The following MACROD2 variants were observed in gnomAD, a reference collection of about 807,000 sequenced individuals.
MACROD2 encodes mono-ADP ribosylhydrolase 2.
A neutral mutation model predicts 70.4 loss-of-function variants in MACROD2; 36 were observed. That is an observed-to-expected ratio of 0.51 (90% CI 0.39 to 0.68). The LOEUF (loss-of-function observed/expected upper bound fraction) is 0.68. Among genes scored for constraint, MACROD2 ranks in the 30% least tolerant of loss-of-function variants. The pLI, the probability that MACROD2 is intolerant of heterozygous loss-of-function variation, is 0.00. For synonymous variants in MACROD2, 172 were observed against 178.8 expected (o/e 0.96, Z 0.30); for missense variants, 496 against 538.4 (o/e 0.92, Z 0.78).
At chr20:16,046,674 A>AATTT (rs1491359046) in intron 17 of MACROD2, among the ~76,000 whole-genome samples, 1 of 124,680 alleles carries the variant, frequency 8.0e-6, no homozygotes, top group Admixed American at 8.2e-5. Context: ...AGGTGTCAAA[A>AATTT]CTTTTTTTTT....
chr20:14,675,038 T>A (rs2070842571), intron 4 of MACROD2, among the ~76,000 whole-genome samples: 1 of 152,116 alleles, frequency 6.6e-6, no homozygotes, highest in Admixed American at 6.6e-5. Flanking sequence ...AAATCATCTT[T>A]GTAAGACAAG....
intron 11 of MACROD2, among the ~76,000 whole-genome samples, chr20:15,933,819 T>C (rs6110836): frequency 0.1 from 15,415 of 152,188 alleles, 1,201 homozygotes; most frequent in East Asian, 0.29. Flanking sequence ...GGAGATGGTG[T>C]GATGGGCCTG....
At chr20:14,693,304 G>A (rs151179081) in intron 5 of MACROD2, among the ~76,000 whole-genome samples, 1 of 152,274 alleles carries the variant, frequency 6.6e-6, no homozygotes, top group African/African-American at 2.4e-5. Flanking sequence ...ATTTGGAGGT[G>A]TTCTCATAAA....
At chr20:14,805,774 T>C (rs1600681303) in intron 5 of MACROD2, among the ~76,000 whole-genome samples, 2 of 152,078 alleles carry the variant, frequency 1.3e-5, no homozygotes, top group East Asian at 3.9e-4. Flanking sequence ...TTTTTTTTCC[T>C]CTCCTGGCTT....
intron 4 of MACROD2, among the ~76,000 whole-genome samples, chr20:14,505,056 C>G (rs1304084670): frequency 6.6e-6 from 1 of 152,156 alleles, no homozygotes; most frequent in Non-Finnish European, 1.5e-5. Context: ...ATAGAAACCA[C>G]TAATTACAAA....
At chr20:14,350,990 A>C (rs1236346251) in intron 3 of MACROD2, among the ~76,000 whole-genome samples, 1 of 152,134 alleles carries the variant, frequency 6.6e-6, no homozygotes, top group African/African-American at 2.4e-5. Flanking sequence ...TCCCAGGACA[A>C]ATTATTGAAG....
At chr20:14,021,975 A>T (rs2258091) in intron 2 of MACROD2, among the ~76,000 whole-genome samples, 2 of 152,204 alleles carry the variant, frequency 1.3e-5, no homozygotes, top group Admixed American at 6.5e-5. Context: ...TGGAAGTACA[A>T]TGGTACACCT....
At chr20:15,858,744 G>T (rs1373127727) in intron 8 of MACROD2, among the ~76,000 whole-genome samples, 4 of 152,278 alleles carry the variant, frequency 2.6e-5, no homozygotes, top group African/African-American at 9.6e-5. Flanking sequence ...TTGTCTCTCT[G>T]CTTCCTCATG....
rs143464266 is a variant in MACROD2 at position 14,928,229 on chromosome 20, A to G, written c.418+243270A>G. 9.6e-5 allele frequency among the ~76,000 whole-genome samples: 11 copies of G among 114,638 alleles called. 1 individual carries two copies. The East Asian group carries it at 1.3e-3, about 13-fold the overall frequency. 75.2% of individuals were successfully genotyped at this position (114,638 alleles called of 152,430 possible). On this transcript the variant is annotated intron_variant, in intron 5 of 17. Transcript: ENST00000684519. ...CCAGAGGCAGCTTGGCTGCATGCCA[A>G]TGTCAGTGTAGAATTATTCTATCCT...
intron 8 of MACROD2, among the ~76,000 whole-genome samples, chr20:15,662,044 C>T (rs1338953876): frequency 6.6e-6 from 1 of 152,110 alleles, no homozygotes; most frequent in East Asian, 1.9e-4. Flanking sequence ...GGCTAACTTC[C>T]CACTCTTTAC....
intron 4 of MACROD2, among the ~76,000 whole-genome samples, chr20:14,512,095 A>C (rs559916512): frequency 6.6e-6 from 1 of 152,254 alleles, no homozygotes; most frequent in South Asian, 2.1e-4. Context: ...ATGAATTCAA[A>C]GTGCATAGGC....
chr20:14,054,137 T>A (rs2148651017), intron 2 of MACROD2, among the ~76,000 whole-genome samples: 1 of 151,546 alleles, frequency 6.6e-6, no homozygotes, highest in East Asian at 1.9e-4. Context: ...CTTTTCTGCC[T>A]CCCCCACCAC....
At chr20:15,977,088 C>A (rs2066317448) in intron 13 of MACROD2, among the ~76,000 whole-genome samples, 1 of 152,126 alleles carries the variant, frequency 6.6e-6, no homozygotes, top group Admixed American at 6.5e-5. Flanking sequence ...AGATTTTGGC[C>A]TTTTCCCCTC....
intron 8 of MACROD2, among the ~76,000 whole-genome samples, chr20:15,705,834 G>A (rs1407452595): frequency 1.3e-5 from 2 of 151,876 alleles, no homozygotes; most frequent in Non-Finnish European, 2.9e-5. Flanking sequence ...GTATAGATAT[G>A]CTATAGTAAT....
intron 7 of MACROD2, among the ~76,000 whole-genome samples, chr20:15,494,832 A>G (rs1371441342): frequency 6.6e-6 from 1 of 152,118 alleles, no homozygotes; most frequent in Non-Finnish European, 1.5e-5. Flanking sequence ...ACAAAAGTAA[A>G]TAAGAAAAAA....
intron 5 of MACROD2, among the ~76,000 whole-genome samples, chr20:15,172,107 T>C (rs1485567097): frequency 6.6e-6 from 1 of 152,198 alleles, no homozygotes; most frequent in African/African-American, 2.4e-5. Context: ...ATTTTTGAGA[T>C]CAATCATAGG....
chr20:14,339,415 A>T lies in MACROD2; in HGVS notation c.272-154064A>T, dbSNP rs192443451. 4.1e-4 allele frequency among the ~76,000 whole-genome samples: 63 copies of T among 152,352 alleles called. 1 individual carries two copies. The East Asian group carries it at 0.012, about 28-fold the overall frequency. Reference sequence around the variant, plus strand: ...CTGTTACTATGAAACAAAGACATGGATTAAATTATTTTATTAAATAATTAT... The same window carrying T: ...CTGTTACTATGAAACAAAGACATGGTTTAAATTATTTTATTAAATAATTAT... On this transcript the variant is annotated intron_variant, in intron 3 of 17. Transcript: ENST00000684519.
chr20:15,572,758 T>G (rs772958998), intron 8 of MACROD2, among the ~76,000 whole-genome samples: 4 of 152,144 alleles, frequency 2.6e-5, no homozygotes, highest in Non-Finnish European at 5.9e-5. Flanking sequence ...AGAAATTCAC[T>G]GCCAACTTAC....
intron 3 of MACROD2, among the ~76,000 whole-genome samples, chr20:14,402,449 A>G (rs1021209558): frequency 7.9e-5 from 12 of 152,148 alleles, no homozygotes; most frequent in African/African-American, 1.9e-4. Flanking sequence ...TAAGCATTTT[A>G]TGCCAGTGGT....
Sources: allele counts gnomAD v4.1 joint callset (sites outside exome capture counted in the v4.1 genomes callset), GRCh38; gene constraint gnomAD v4.1.1; transcripts MANE v1.5; gene names NCBI Gene and HGNC (gene_info 2026-07-23, HGNC 2026-07-21).